Variants in NRXN3 observed in about 807,000 individuals in gnomAD.
The protein encoded by NRXN3 is neurexin III.
Under a neutral mutation model 137.6 loss-of-function variants are expected in NRXN3, and 32 were observed. The observed-to-expected ratio is 0.23, with a 90% CI of 0.18 to 0.31. The LOEUF (loss-of-function observed/expected upper bound fraction) is 0.31, where lower values mean the gene tolerates loss of function less well. NRXN3 is among the 10% of genes least tolerant of loss of function. The pLI, the probability that NRXN3 is intolerant of heterozygous loss-of-function variation, is 1.00. For synonymous variants in NRXN3, 798 were observed against 784.5 expected, an observed-to-expected ratio of 1.02 and a Z score of -0.29; for missense variants, 1,574 against 2,062.5, an observed-to-expected ratio of 0.76 and a Z score of 4.59.
At chr14:79,681,674 A>G (rs748889558) in intron 17 of NRXN3, among the ~76,000 whole-genome samples, 1 of 152,044 alleles carries the variant, frequency 6.6e-6, no homozygotes, top group Non-Finnish European at 1.5e-5. Flanking sequence ...GAAAAGATAG[A>G]TTCAAACTGT....
At chr14:79,309,915 G>A (rs1214281494) in intron 15 of NRXN3, among the ~76,000 whole-genome samples, 2 of 105,152 alleles carry the variant, frequency 1.9e-5, no homozygotes, top group South Asian at 8.4e-4. Context: ...TTCTTTTGCT[G>A]TGCAGAAGCT....
At chr14:79,016,764 C>T (rs751198784) in intron 15 of NRXN3, among the ~76,000 whole-genome samples, 2 of 152,198 alleles carry the variant, frequency 1.3e-5, no homozygotes, top group Non-Finnish European at 1.5e-5. Context: ...TAATTAATAG[C>T]ATTTCTTCTT....
chr14:78,862,232 G>A (rs2152531861), intron 10 of NRXN3, among the ~76,000 whole-genome samples: 2 of 147,214 alleles, frequency 1.4e-5, no homozygotes, highest in East Asian at 2.0e-4. Flanking sequence ...TAACAAGATT[G>A]TTATAAATAG....
At chr14:79,699,228 A>G (rs2098746006) in intron 19 of NRXN3, among the ~76,000 whole-genome samples, 1 of 152,044 alleles carries the variant, frequency 6.6e-6, no homozygotes, top group Non-Finnish European at 1.5e-5. Context: ...TATTAAACCA[A>G]TAACTCCTGA....
intron 16 of NRXN3, among the ~76,000 whole-genome samples, chr14:79,619,280 G>A (rs866606309): frequency 1.3e-5 from 2 of 152,104 alleles, no homozygotes; most frequent in Middle Eastern, 3.4e-3. Context: ...TCTTTGCCAA[G>A]GCCAACGTTC....
At chr14:79,365,176 A>G (rs1207867556) in intron 15 of NRXN3, among the ~76,000 whole-genome samples, 1 of 152,036 alleles carries the variant, frequency 6.6e-6, no homozygotes, top group African/African-American at 2.4e-5. Flanking sequence ...GTGGTAGAGA[A>G]TTCTGAGTTC....
intron 15 of NRXN3, among the ~76,000 whole-genome samples, chr14:79,221,596 GTTGT>G (rs1237801334): frequency 5.3e-5 from 8 of 152,062 alleles, no homozygotes; most frequent in African/African-American, 1.4e-4. Context: ...TTGTGATGGG[GTTGT>G]TTGTTTTTTT....
At chr14:79,653,625 T>C (rs1417813325) in intron 16 of NRXN3, among the ~76,000 whole-genome samples, 1 of 152,216 alleles carries the variant, frequency 6.6e-6, no homozygotes, top group Non-Finnish European at 1.5e-5. Flanking sequence ...TATAAACCAC[T>C]CTCAGTGGGA....
At chr14:79,433,516 T>A (rs1267231186) in intron 15 of NRXN3, among the ~76,000 whole-genome samples, 3 of 152,244 alleles carry the variant, frequency 2.0e-5, no homozygotes, top group Non-Finnish European at 4.4e-5. Flanking sequence ...CACTAGTTTT[T>A]TAAAAAAAAT....
chr14:78,622,852 T>C (rs2097419874), intron 4 of NRXN3, among the ~76,000 whole-genome samples: 2 of 152,262 alleles, frequency 1.3e-5, no homozygotes, highest in South Asian at 4.1e-4. Context: ...TTAAAAGTTG[T>C]TGTGGTTTTG....
chr14:79,138,141 G>T (rs546838405), intron 15 of NRXN3, among the ~76,000 whole-genome samples: 1 of 152,270 alleles, frequency 6.6e-6, no homozygotes, highest in South Asian at 2.1e-4. Flanking sequence ...TGGATATATT[G>T]TATTTTCATC....
At chr14:79,668,229 G>T (rs1029265313) in intron 17 of NRXN3, among the ~76,000 whole-genome samples, 1 of 152,032 alleles carries the variant, frequency 6.6e-6, no homozygotes, top group African/African-American at 2.4e-5. Context: ...TTATATTTGA[G>T]TTTGTCAAAT....
At chr14:78,550,592 T>C (rs1051481064) in intron 4 of NRXN3, among the ~76,000 whole-genome samples, 2 of 152,146 alleles carry the variant, frequency 1.3e-5, no homozygotes, top group Admixed American at 1.3e-4. Context: ...TGAGAATGTA[T>C]TTTTGTGTGA....
intron 1 of NRXN3, among the ~76,000 whole-genome samples, chr14:78,229,559 A>T (rs1011156354): frequency 3.3e-5 from 5 of 151,930 alleles, no homozygotes; most frequent in African/African-American, 1.2e-4. Context: ...CCAGGGGTGA[A>T]GTTCTAGAAC....
chr14:78,739,156 A>AT (rs201495778), intron 8 of NRXN3, among the ~76,000 whole-genome samples: 1,722 of 152,120 alleles, frequency 0.011, 10 homozygotes, highest in Middle Eastern at 0.027. Context: ...CTTTTTTGTC[A>AT]TTTTTCCTCT....
intron 10 of NRXN3, among the ~76,000 whole-genome samples, chr14:78,815,865 A>T (rs988724032): frequency 4.6e-5 from 7 of 152,130 alleles, no homozygotes; most frequent in African/African-American, 7.2e-5. Flanking sequence ...TCCATTTTAA[A>T]AGTCAAGTAA....
At chr14:79,050,977 A>G (rs2099641019) in intron 15 of NRXN3, among the ~76,000 whole-genome samples, 1 of 152,208 alleles carries the variant, frequency 6.6e-6, no homozygotes, top group South Asian at 2.1e-4. Context: ...AACTCCTTTG[A>G]ATATTTTACA....
intron 10 of NRXN3, among the ~76,000 whole-genome samples, chr14:78,910,004 G>A (rs534200598): frequency 2.6e-5 from 4 of 151,992 alleles, no homozygotes; most frequent in South Asian, 4.2e-4. Flanking sequence ...TTCTCTTTAC[G>A]TATTGCTAAC....
At chr14:79,241,346 CT>C (rs2153345581) in intron 15 of NRXN3, among the ~76,000 whole-genome samples, 1 of 152,266 alleles carries the variant, frequency 6.6e-6, no homozygotes, top group South Asian at 2.1e-4. Flanking sequence ...ATATCCAAGA[CT>C]GGGTAACTTA....
Sources: allele counts gnomAD v4.1 joint callset (sites outside exome capture counted in the v4.1 genomes callset), GRCh38; gene constraint gnomAD v4.1.1; transcripts MANE v1.5; gene names NCBI Gene and HGNC (gene_info 2026-07-23, HGNC 2026-07-21).